The following WFIKKN2 variants were observed in gnomAD, a reference collection of about 807,000 sequenced individuals.
WFIKKN2 encodes the protein WAP, Kazal, immunoglobulin, Kunitz and NTR domain-containing protein 2.
In WFIKKN2, 25 loss-of-function variants were observed where a neutral mutation model predicts 39.2. The observed-to-expected ratio is 0.64, with a 90% CI of 0.47 to 0.89. The LOEUF (loss-of-function observed/expected upper bound fraction) is 0.89. Among genes scored for constraint, WFIKKN2 ranks in the 40% least tolerant of loss-of-function variants. WFIKKN2 has a pLI of 0.00. For synonymous variants in WFIKKN2, 345 were observed against 329.7 expected, an observed-to-expected ratio of 1.05 and a Z score of -0.50; for missense variants, 770 against 811.7, an observed-to-expected ratio of 0.95 and a Z score of 0.62.
chr17:50,841,035 C>T lies in WFIKKN2; in HGVS notation c.*16C>T, dbSNP rs1446473240. 4 of 1,507,728 alleles carry T rather than the reference C, an allele frequency of 2.7e-6. No individual in the cohort carries two copies. The Admixed American group carries it at 8.8e-5, about 33-fold the overall frequency. The allele number at this position is 1,507,728 out of a possible 1,614,324, so 93.4% of individuals were successfully genotyped here. On this transcript the variant is annotated 3_prime_UTR_variant, in exon 2 of 2. Coordinates refer to ENST00000311378, the MANE Select transcript of WFIKKN2 (RefSeq NM_175575.6). ...CTTGCACTGAAGCCCCCCACCCCTC[C>T]CTGCCCCCTCCCTGGCCTTCTTCCA...
In WFIKKN2 at chr17:50,835,729, AC is replaced by A. The variant is rs1341062107; in HGVS notation, c.-207del. 5.1e-6 allele frequency: 3 copies of A among 590,342 alleles called. No individual in the cohort carries two copies. Among genetic ancestry groups the A allele is most frequent in the Non-Finnish European group, 8.8e-6 (3 of 339,372 alleles). 36.6% of individuals were successfully genotyped at this position (590,342 alleles called of 1,614,324 possible). A position where few individuals can be genotyped will look rare whatever the true frequency, so the allele number is the denominator to read the frequency against. ...CAGGAGAGGGAGCTTCCTTCTAAAG[AC>A]CTTTCTTTTATCTGAAGCCGCACAG... On this transcript the variant is annotated 5_prime_UTR_variant, in exon 1 of 2. Coordinates refer to ENST00000311378, the MANE Select transcript of WFIKKN2 (RefSeq NM_175575.6).
chr17:50,837,958 T>C (rs1971980722), intron 1 of WFIKKN2, among the ~76,000 whole-genome samples: 1 of 152,308 alleles, frequency 6.6e-6, no homozygotes, highest in East Asian at 1.9e-4. Flanking sequence ...CAGACAGCCC[T>C]TGGGGACATT....
rs957382387 is a variant in WFIKKN2, at chr17:50,840,315, C to G, written c.1027C>G (p.Arg343Gly). The G allele has an allele frequency of 2.5e-6, 4 of 1,614,140 alleles. No individual in the cohort carries two copies. Among genetic ancestry groups the G allele is most frequent in the Non-Finnish European group, 2.5e-6 (3 of 1,180,036 alleles). Residue 343 changes from arginine (R) to glycine (G), a missense_variant, in exon 2 of 2, where the codon CGC (arginine) becomes GGC (glycine). Transcript: ENST00000311378. ...DSEDCGEEQTRWHFDAQANNC... is the reference protein window; with the variant it reads ...DSEDCGEEQTGWHFDAQANNC... ...TGAGGACTGTGGCGAAGAGCAGACC[C>G]GCTGGCACTTCGATGCCCAGGCCAA...
chr17:50,838,890 G>T (rs964030264), intron 1 of WFIKKN2, among the ~76,000 whole-genome samples: 1 of 152,092 alleles, frequency 6.6e-6, no homozygotes, highest in African/African-American at 2.4e-5. Context: ...AGTCCCAGGG[G>T]CATTCCCCTC....
upstream of WFIKKN2, among the ~76,000 whole-genome samples, chr17:50,835,187 C>T (rs1168025960): frequency 7.9e-5 from 12 of 152,234 alleles, no homozygotes; most frequent in Admixed American, 5.9e-4. Context: ...CACAGCGCGG[C>T]GCAGGCCCGC....
chr17:50,837,995 A>G (rs1410834436), intron 1 of WFIKKN2, among the ~76,000 whole-genome samples: 2 of 152,078 alleles, frequency 1.3e-5, no homozygotes, highest in East Asian at 3.9e-4. Context: ...GAAGTGTTCT[A>G]AGGACCCCCT....
intron 1 of WFIKKN2, 56 bp downstream of exon 1, chr17:50,836,203 T>C: frequency 6.4e-7 from 1 of 1,566,212 alleles, no homozygotes; most frequent in South Asian, 1.1e-5. Flanking sequence ...GTGACGGGGG[T>C]GGGAGCCGTC....
In WFIKKN2 at chr17:50,835,813, G is replaced by A. The variant is rs1971946120; in HGVS notation, c.-125G>A. The A allele has an allele frequency of 6.6e-6, 7 of 1,059,302 alleles. No homozygotes were observed. The highest frequency in any genetic ancestry group is 1.6e-5 in the African/African-American group (1 of 62,524). The allele number at this position is 1,059,302 out of a possible 1,614,324, so 65.6% of individuals were successfully genotyped here. ...CAGCGGCAGAGCAGCCTGAGCAGCA[G>A]CCTGAGCAGGAAACCTGCTGGGGTG... On this transcript the variant is annotated 5_prime_UTR_variant, in exon 1 of 2. Transcript: ENST00000311378.
rs754037522 is a variant in WFIKKN2 at position 50,840,152 on chromosome 17, G to A, written c.864G>A (p.Thr288=). 46 of 1,613,836 alleles carry A rather than the reference G, an allele frequency of 2.9e-5. No homozygotes were observed. Among genetic ancestry groups the A allele is most frequent in the Non-Finnish European group, 3.5e-5 (41 of 1,179,996 alleles). Residue 288 remains threonine, a synonymous_variant, in exon 2 of 2, where the codon ACG becomes ACA. Coordinates refer to ENST00000311378, the MANE Select transcript of WFIKKN2 (RefSeq NM_175575.6). ...QLQDAGIYTC[T]ARNVAGVLRA... ...AGGATGCTGGGATCTACACCTGCAC[G>A]GCCCGGAACGTGGCTGGGGTCCTGA...
chr17:50,839,842 G>GC lies in WFIKKN2; in HGVS notation c.560dup (p.Pro188ThrfsTer3), dbSNP rs762863576. On this transcript the variant is annotated frameshift_variant, in exon 2 of 2. Transcript: ENST00000311378. LOFTEE classifies it high-confidence loss of function. ...TATCACTTCACCTGGCCCAACACCAGCCCCCCACCACCTGAGACCACCATG... is the reference window on the plus strand; with the variant it reads ...TATCACTTCACCTGGCCCAACACCAGCCCCCCCACCACCTGAGACCACCATG... 2 of 1,614,146 alleles carry GC rather than the reference G, an allele frequency of 1.2e-6. No homozygotes were observed. The highest frequency in any genetic ancestry group is 1.7e-6 in the Non-Finnish European group (2 of 1,180,002).
In WFIKKN2 at chr17:50,841,489, C is replaced by G. The variant is rs368096666; in HGVS notation, c.*470C>G. ...TGGGACACCTTTCCCACAGCCTCCT[C>G]GATTGCTGTGAGCAGAGGCCACTCG... On this transcript the variant is annotated 3_prime_UTR_variant, in exon 2 of 2. Coordinates refer to ENST00000311378, the MANE Select transcript of WFIKKN2 (RefSeq NM_175575.6). The G allele has an allele frequency of 8.4e-5, 13 of 155,028 alleles. No individual in the cohort carries two copies. Among genetic ancestry groups the G allele is most frequent in the African/African-American group, 3.1e-4 (13 of 41,470 alleles). The allele number at this position is 155,028 out of a possible 1,614,324, so 9.6% of individuals were successfully genotyped here.
At position 50,840,044 on chromosome 17, in the gene WFIKKN2, T is replaced by A; in HGVS notation, c.756T>A (p.Asn252Lys). The change falls in exon 2 of 2, where the codon AAT (asparagine) becomes AAA (lysine). Residue 252 changes from asparagine to lysine, a missense_variant. Asn to Lys is a moderately conservative substitution (Grantham distance 94, BLOSUM62 0). Transcript: ENST00000311378. ...AGAAGCAGTTGGAGGATCGGGAGAA[T>A]GTGGTCATGCGGCCCAACCATGTGC... ...TWEKQLEDRE[N>K]VVMRPNHVRG... The A allele has an allele frequency of 6.2e-7, 1 of 1,614,164 alleles. No homozygotes were observed. Among genetic ancestry groups the A allele is most frequent in the Non-Finnish European group, 8.5e-7 (1 of 1,180,014 alleles).
chr17:50,839,391 A>T, intron 1 of WFIKKN2, 108 bp from the exon 2 acceptor site: 1 of 1,042,724 alleles, frequency 9.6e-7, no homozygotes, highest in Non-Finnish European at 1.4e-6. Context: ...TGCTCCCACT[A>T]GATGGTGAGT....
chr17:50,839,383 C>T (rs1971999885), intron 1 of WFIKKN2, 116 bp from the exon 2 acceptor site: 18 of 957,602 alleles, frequency 1.9e-5, no homozygotes, highest in Non-Finnish European at 2.8e-5. Context: ...AAGTGTTTTG[C>T]TCCCACTAGA....
rs1440515483 is a variant in WFIKKN2, at chr17:50,841,118, G to T, written c.*99G>T. 8.0e-7 allele frequency: 1 copy of T among 1,254,840 alleles called. No homozygotes were observed. The highest frequency in any genetic ancestry group is 2.5e-5 in the East Asian group (1 of 40,150). The allele number at this position is 1,254,840 out of a possible 1,614,324, so 77.7% of individuals were successfully genotyped here. ...GCGAGGTCAGATTAGACAGGCTTGG[G>T]ACAGCAGGGAAACATCAACCGACGT... On this transcript the variant is annotated 3_prime_UTR_variant, in exon 2 of 2. Transcript: ENST00000311378.
intron 1 of WFIKKN2, among the ~76,000 whole-genome samples, chr17:50,838,277 T>C (rs945799092): frequency 6.6e-6 from 1 of 152,130 alleles, no homozygotes; most frequent in African/African-American, 2.4e-5. Context: ...AAAGTCCCCA[T>C]TCTGAGCCGA....
At position 50,840,398 on chromosome 17, in the gene WFIKKN2, C is replaced by T; in HGVS notation, c.1110C>T (p.Thr370=). Reference sequence around the variant, plus strand: ...ACCGTAACCTCAACCACTTTGAGACCTATGAGGCCTGCATGCTGGCCTGCA... The same window carrying T: ...ACCGTAACCTCAACCACTTTGAGACTTATGAGGCCTGCATGCTGGCCTGCA... ...HCHRNLNHFE[T]YEACMLACMS... is the part of the protein sequence containing the mutation. Residue 370 remains threonine, a synonymous_variant, in exon 2 of 2, where the codon ACC becomes ACT. Coordinates refer to ENST00000311378, the MANE Select transcript of WFIKKN2 (RefSeq NM_175575.6). The T allele has an allele frequency of 1.2e-6, 2 of 1,614,122 alleles. No homozygotes were observed. Among genetic ancestry groups the T allele is most frequent in the Non-Finnish European group, 1.7e-6 (2 of 1,180,014 alleles).
chr17:50,839,957 G>A lies in WFIKKN2; in HGVS notation c.669G>A (p.Met223Ile), dbSNP rs902818282. The A allele has an allele frequency of 2.5e-6, 4 of 1,614,148 alleles. No individual in the cohort carries two copies. Among genetic ancestry groups the A allele is most frequent in the Non-Finnish European group, 3.4e-6 (4 of 1,179,984 alleles). The part of the protein sequence containing the change: ...LNNPVHQSVT[M>I]GETVSFLCDV... ...ACCCTGTGCACCAGTCGGTCACCAT[G>A]GGTGAGACAGTGAGCTTCCTCTGTG... is the stretch of plus-strand genomic sequence containing the variant. Residue 223 changes from methionine to isoleucine, a missense_variant, in exon 2 of 2, where the codon ATG becomes ATA. Met to Ile is a conservative substitution (Grantham distance 10). Coordinates refer to ENST00000311378, the MANE Select transcript of WFIKKN2 (RefSeq NM_175575.6).
rs746366831 is a variant in WFIKKN2, at chr17:50,840,064, A to G, written c.776A>G (p.His259Arg). The G allele has an allele frequency of 1.1e-5, 17 of 1,614,054 alleles. No individual in the cohort carries two copies. In the East Asian group the frequency reaches 2.4e-4, roughly 23 times the overall value. Residue 259 changes from histidine to arginine, a missense_variant, in exon 2 of 2, where the codon CAT becomes CGT. Transcript: ENST00000311378. ...DRENVVMRPN[H>R]VRGNVVVTNI... ...GAGAATGTGGTCATGCGGCCCAACCATGTGCGTGGCAACGTGGTGGTCACC... is the reference window on the plus strand; with the variant it reads ...GAGAATGTGGTCATGCGGCCCAACCGTGTGCGTGGCAACGTGGTGGTCACC...
Sources: allele counts gnomAD v4.1 joint callset (sites outside exome capture counted in the v4.1 genomes callset), GRCh38; gene constraint gnomAD v4.1.1; transcripts MANE v1.5; gene names NCBI Gene and HGNC (gene_info 2026-07-23, HGNC 2026-07-21).